The following EPS15 variants were observed in gnomAD, a reference collection of about 807,000 sequenced individuals.
EPS15 encodes epidermal growth factor receptor pathway substrate 15.
Under a neutral mutation model 113.8 loss-of-function variants are expected in EPS15, and 72 were observed. The ratio of observed to expected loss-of-function variants is 0.63; its 90% confidence interval spans 0.52 to 0.77. EPS15 has a LOEUF of 0.77. EPS15 is among the 30% of genes least tolerant of loss of function. EPS15 has a pLI of 0.00. For synonymous variants in EPS15, 344 were observed against 363.4 expected, an observed-to-expected ratio of 0.95 and a Z score of 0.61; for missense variants, 1,048 against 1,045.8, an observed-to-expected ratio of 1.00 and a Z score of -0.03.
intron 18 of EPS15, among the ~76,000 whole-genome samples, chr1:51,401,394 C>CA (rs759966725): frequency 6.6e-6 from 1 of 152,090 alleles, no homozygotes; most frequent in Non-Finnish European, 1.5e-5. Context: ...GTCTTTTCAA[C>CA]AAATGGTGTT....
At chr1:51,428,158 A>C (rs550626430) in intron 12 of EPS15, among the ~76,000 whole-genome samples, 5 of 152,312 alleles carry the variant, frequency 3.3e-5, no homozygotes, top group Non-Finnish European at 5.9e-5. Context: ...TGCTTCAAAA[A>C]CATGAGGGAG....
intron 22 of EPS15, among the ~76,000 whole-genome samples, chr1:51,365,102 G>T (rs1646479107): frequency 6.6e-6 from 1 of 152,202 alleles, no homozygotes. Flanking sequence ...AAAGTGCTGG[G>T]ATAACAGGCA....
rs778079038 is a variant in EPS15, at chr1:51,508,308, G to GAGAA, written c.33+10887_33+10890dup. ...AGAGAGAAAGAGAGAGAGAGAAAGA[G>GAGAA]AGAAAGAGAGAAAGAGAGAAAGAGA... On this transcript the variant is annotated intron_variant, in intron 1 of 24. Coordinates refer to ENST00000371733, the MANE Select transcript of EPS15 (RefSeq NM_001981.3). Among the ~76,000 whole-genome samples the GAGAA allele has an allele frequency of 6.7e-3, 872 of 129,726 alleles. 3 individuals carry two copies. The highest frequency in any genetic ancestry group is 0.011 in the Middle Eastern group (3 of 280). The allele number at this position is 129,726 out of a possible 152,430, so 85.1% of individuals were successfully genotyped here. A position where few individuals can be genotyped will look rare whatever the true frequency, so the allele number is the denominator to read the frequency against.
rs578173362 is a variant in EPS15, at chr1:51,512,523, G to C, written c.33+6676C>G. Among the ~76,000 whole-genome samples the C allele has an allele frequency of 1.5e-4, 23 of 152,064 alleles. 1 individual carries two copies. In the South Asian group the frequency reaches 4.8e-3, roughly 31 times the overall value. On this transcript the variant is annotated intron_variant, in intron 1 of 24. Coordinates refer to ENST00000371733, the MANE Select transcript of EPS15 (RefSeq NM_001981.3). ...AATTCAGAGAAAAAAATTTTGCAAA[G>C]GATTTTGCAAAGAAGGGCAAATTTC... is the stretch of plus-strand genomic sequence containing the variant.
chr1:51,466,178 T>A (rs1654829355), intron 5 of EPS15, among the ~76,000 whole-genome samples: 1 of 150,404 alleles, frequency 6.6e-6, no homozygotes, highest in Non-Finnish European at 1.5e-5. Flanking sequence ...ACAAAAAAAA[T>A]CGAGTAAGCA....
At chr1:51,417,964 T>C (rs530880818) in intron 13 of EPS15, among the ~76,000 whole-genome samples, 4 of 152,296 alleles carry the variant, frequency 2.6e-5, no homozygotes, top group African/African-American at 9.6e-5. Flanking sequence ...AGAGTCATGA[T>C]ACTAAATTGG....
chr1:51,421,808 T>C lies in EPS15; in HGVS notation c.1091A>G (p.Lys364Arg). The C allele has an allele frequency of 6.2e-7, 1 of 1,605,692 alleles. No homozygotes were observed. Among genetic ancestry groups the C allele is most frequent in the South Asian group, 1.1e-5 (1 of 89,222 alleles). The change falls in exon 13 of 25, where the codon AAA becomes AGA. Residue 364 changes from lysine to arginine, a missense_variant. Coordinates refer to ENST00000371733, the MANE Select transcript of EPS15 (RefSeq NM_001981.3). ...TACCTGAACCTCACTTGTCCTCTGT[T>C]TAATAGTATCTTCCTTCTCCTTAAG... ...QDLKEKEDTI[K>R]QRTSEVQDLQ...
At chr1:51,444,743 G>T in intron 11 of EPS15, 146 bp downstream of exon 11, 1 of 674,806 alleles carries the variant, frequency 1.5e-6, no homozygotes, top group Non-Finnish European at 2.3e-6. Context: ...ATATTTATAG[G>T]CACAAACTAA....
chr1:51,481,159 G>A (rs1644013606), intron 2 of EPS15, 114 bp downstream of exon 2: 1 of 700,950 alleles, frequency 1.4e-6, no homozygotes, highest in Non-Finnish European at 2.6e-6. Flanking sequence ...ACAAGATGTT[G>A]AAAACAAGAC....
chr1:51,508,338 G>GAAAGAGAGAAAGAAAGAAAGAA (rs745757925), intron 1 of EPS15, among the ~76,000 whole-genome samples: 2 of 122,248 alleles, frequency 1.6e-5, no homozygotes, highest in Non-Finnish European at 3.4e-5. Context: ...AAGAGAAAGA[G>GAAAGAGAGAAAGAAAGAAAGAA]AGAAAGAAAG....
At chr1:51,361,675 G>A (rs1300658670) in intron 23 of EPS15, among the ~76,000 whole-genome samples, 1 of 152,160 alleles carries the variant, frequency 6.6e-6, no homozygotes, top group Non-Finnish European at 1.5e-5. Flanking sequence ...CCCAAAAGGA[G>A]AGACGAATGG....
chr1:51,470,207 A>G (rs965011080), intron 4 of EPS15, among the ~76,000 whole-genome samples: 6 of 152,226 alleles, frequency 3.9e-5, no homozygotes, highest in Non-Finnish European at 7.3e-5. Flanking sequence ...AAACCCTTCC[A>G]TAATAGGGGG....
intron 24 of EPS15, among the ~76,000 whole-genome samples, chr1:51,360,615 A>C (rs556279944): frequency 6.6e-6 from 1 of 152,324 alleles, no homozygotes; most frequent in Non-Finnish European, 1.5e-5. Context: ...CCATTTATTT[A>C]TTTATTTCAT....
chr1:51,401,969 TCTACTAAAAACA>T (rs1441111079), intron 18 of EPS15, among the ~76,000 whole-genome samples: 2 of 152,156 alleles, frequency 1.3e-5, no homozygotes, highest in Non-Finnish European at 2.9e-5. Flanking sequence ...AAACCCCGCC[TCTACTAAAAACA>T]CAAAAGTTAG....
intron 8 of EPS15, among the ~76,000 whole-genome samples, chr1:51,454,025 G>GGGC (rs899496758): frequency 2.1e-5 from 3 of 145,192 alleles, no homozygotes; most frequent in Non-Finnish European, 4.5e-5. Flanking sequence ...ACTCCAGTCT[G>GGGC]GGCGACAGAG....
intron 21 of EPS15, 43 bp from the exon 22 acceptor site, chr1:51,366,072 A>ATT (rs372983066): frequency 6.6e-4 from 778 of 1,176,594 alleles, no homozygotes; most frequent in Non-Finnish European, 7.6e-4. Context: ...ACAGTAAGAC[A>ATT]TTTTTTTTTT....
chr1:51,512,672 A>C (rs1644644462), intron 1 of EPS15, among the ~76,000 whole-genome samples: 1 of 152,224 alleles, frequency 6.6e-6, no homozygotes, highest in Non-Finnish European at 1.5e-5. Context: ...AGGAAAAAAA[A>C]ATAAGTTCAG....
intron 21 of EPS15, among the ~76,000 whole-genome samples, chr1:51,367,387 A>G (rs1646531091): frequency 6.6e-6 from 1 of 152,036 alleles, no homozygotes; most frequent in African/African-American, 2.4e-5. Flanking sequence ...CCCTCTCTCT[A>G]CTAAAAATAC....
At chr1:51,389,268 A>T (rs1647190574) in intron 21 of EPS15, among the ~76,000 whole-genome samples, 1 of 151,842 alleles carries the variant, frequency 6.6e-6, no homozygotes, top group Non-Finnish European at 1.5e-5. Flanking sequence ...AAATTCAACA[A>T]CCCTTCATGC....
Sources: gnomAD v4.1 joint callset for allele counts (sites outside exome capture counted in the v4.1 genomes callset) on GRCh38, gnomAD v4.1.1 for gene constraint, MANE v1.5 for transcripts, NCBI Gene and HGNC (gene_info 2026-07-23, HGNC 2026-07-21) for gene names.